Variants in SUPT3H observed in about 807,000 individuals in gnomAD.
SUPT3H encodes the protein SPT3 homolog, SAGA and STAGA complex component, also known as transcription initiation protein SPT3 homolog.
A neutral mutation model predicts 44.3 loss-of-function variants in SUPT3H; 44 were observed. That is an observed-to-expected ratio of 0.99 (90% CI 0.78 to 1.28). The LOEUF (loss-of-function observed/expected upper bound fraction) is 1.28, where lower values mean the gene tolerates loss of function less well. SUPT3H is among the 50% of genes most tolerant of loss of function. SUPT3H has a pLI of 0.00. For synonymous variants in SUPT3H, 124 were observed against 125.6 expected (o/e 0.99, Z 0.09); for missense variants, 380 against 387.1 (o/e 0.98, Z 0.15).
At chr6:44,912,665 G>A (rs1767238350) in intron 10 of SUPT3H, among the ~76,000 whole-genome samples, 1 of 152,190 alleles carries the variant, frequency 6.6e-6, no homozygotes, top group South Asian at 2.1e-4. Context: ...TCCAGTTGTT[G>A]TTCCCTTTAC....
At chr6:44,909,903 C>T (rs1013038937) in intron 10 of SUPT3H, among the ~76,000 whole-genome samples, 1 of 152,176 alleles carries the variant, frequency 6.6e-6, no homozygotes, top group Admixed American at 6.5e-5. Flanking sequence ...ATAATACTGG[C>T]ATGAATACAG....
At chr6:45,316,814 G>A (rs1416528101) in intron 2 of SUPT3H, among the ~76,000 whole-genome samples, 1 of 152,166 alleles carries the variant, frequency 6.6e-6, no homozygotes, top group Non-Finnish European at 1.5e-5. Flanking sequence ...TGGATTGAAA[G>A]AATATTGTTA....
chr6:44,884,796 C>A (rs1778865139), intron 10 of SUPT3H, among the ~76,000 whole-genome samples: 1 of 152,130 alleles, frequency 6.6e-6, no homozygotes, highest in Non-Finnish European at 1.5e-5. Flanking sequence ...TGTGGGCGAG[C>A]CGAAGCAGGG....
intron 2 of SUPT3H, among the ~76,000 whole-genome samples, chr6:45,320,087 G>A (rs939820667): frequency 1.2e-4 from 18 of 151,922 alleles, no homozygotes; most frequent in Non-Finnish European, 1.5e-5. Flanking sequence ...CTCAATTCAA[G>A]AGATGGTTAT....
At chr6:45,117,377 C>T (rs931824727) in intron 2 of SUPT3H, among the ~76,000 whole-genome samples, 1 of 152,078 alleles carries the variant, frequency 6.6e-6, no homozygotes, top group African/African-American at 2.4e-5. Context: ...TACTCTAAAA[C>T]TGTGACATTA....
At chr6:44,852,804 T>C (rs936559890) in intron 10 of SUPT3H, among the ~76,000 whole-genome samples, 3 of 152,212 alleles carry the variant, frequency 2.0e-5, no homozygotes, top group African/African-American at 7.2e-5. Context: ...TAAAAAATGC[T>C]ACTTCTTCCA....
chr6:45,100,549 A>AAAAAAAAAAAG (rs1469259613), intron 3 of SUPT3H, among the ~76,000 whole-genome samples: 5 of 147,700 alleles, frequency 3.4e-5, no homozygotes, highest in African/African-American at 1.2e-4. Flanking sequence ...CTTAAAAAAA[A>AAAAAAAAAAAG]AAAAAAAAAA....
At chr6:45,094,173 C>T (rs544030520) in intron 3 of SUPT3H, among the ~76,000 whole-genome samples, 1 of 152,060 alleles carries the variant, frequency 6.6e-6, no homozygotes, top group African/African-American at 2.4e-5. Context: ...GAAATTTTAG[C>T]CCGAACTAAA....
chr6:45,231,464 T>C (rs1214671090), intron 2 of SUPT3H, among the ~76,000 whole-genome samples: 1 of 152,236 alleles, frequency 6.6e-6, no homozygotes, highest in African/African-American at 2.4e-5. Flanking sequence ...AAGCTGCTCT[T>C]AGTCTGATGG....
At chr6:44,921,473 G>C (rs2153456956) in intron 10 of SUPT3H, among the ~76,000 whole-genome samples, 1 of 152,260 alleles carries the variant, frequency 6.6e-6, no homozygotes, top group East Asian at 1.9e-4. Flanking sequence ...CAAAAATTAA[G>C]GCAAAGTTAG....
chr6:44,866,015 C>A (rs1157362908), intron 10 of SUPT3H, among the ~76,000 whole-genome samples: 2 of 151,656 alleles, frequency 1.3e-5, no homozygotes, highest in South Asian at 2.1e-4. Flanking sequence ...TCAGTACTTT[C>A]TCCTCAGAAA....
At chr6:45,250,534 A>C (rs1251105572) in intron 2 of SUPT3H, among the ~76,000 whole-genome samples, 2 of 152,102 alleles carry the variant, frequency 1.3e-5, no homozygotes, top group African/African-American at 2.4e-5. Flanking sequence ...GATAGAAAAG[A>C]AAGCTGAAGG....
At chr6:45,359,377 C>A (rs1344601028) in intron 2 of SUPT3H, among the ~76,000 whole-genome samples, 1 of 152,052 alleles carries the variant, frequency 6.6e-6, no homozygotes, top group African/African-American at 2.4e-5. Flanking sequence ...ACTTACATTA[C>A]AATTTGAAAA....
intron 2 of SUPT3H, among the ~76,000 whole-genome samples, chr6:45,134,128 C>T (rs926019836): frequency 6.6e-6 from 1 of 152,094 alleles, no homozygotes; most frequent in Non-Finnish European, 1.5e-5. Context: ...AGCCCAAGGT[C>T]AAGTGATTGG....
In SUPT3H at chr6:45,288,470, AAT is replaced by A. The variant is rs1169934563; in HGVS notation, c.101+76729_101+76730del. Among the ~76,000 whole-genome samples the A allele has an allele frequency of 4.0e-5, 6 of 150,792 alleles. No individual in the cohort carries two copies. In the East Asian group the frequency reaches 9.8e-4, roughly 25 times the overall value. ...ATGGCAAAATTATTATAAATTCAATAATGTTTTAAAATGTATTTGTACTTTAT... is the reference window on the plus strand; with the variant it reads ...ATGGCAAAATTATTATAAATTCAATAGTTTTAAAATGTATTTGTACTTTAT... On this transcript the variant is annotated intron_variant, in intron 2 of 10. Coordinates refer to ENST00000371459, the MANE Select transcript of SUPT3H (RefSeq NM_003599.4).
chr6:45,202,205 G>A (rs1480616919), intron 2 of SUPT3H, among the ~76,000 whole-genome samples: 1 of 151,474 alleles, frequency 6.6e-6, no homozygotes, highest in Non-Finnish European at 1.5e-5. Flanking sequence ...CCCAATAATT[G>A]GAAATTAAAA....
chr6:45,056,158 C>T (rs544538332), intron 3 of SUPT3H, among the ~76,000 whole-genome samples: 1 of 152,022 alleles, frequency 6.6e-6, no homozygotes, highest in Admixed American at 6.5e-5. Flanking sequence ...CTAGAATGGC[C>T]ATAATCAAAA....
chr6:45,164,027 A>G (rs944019704), intron 2 of SUPT3H, among the ~76,000 whole-genome samples: 4 of 152,192 alleles, frequency 2.6e-5, no homozygotes, highest in Admixed American at 2.6e-4. Flanking sequence ...ACAAACATGT[A>G]GAGCAGTGAA....
intron 10 of SUPT3H, among the ~76,000 whole-genome samples, chr6:44,928,943 GC>G (rs1770084388): frequency 6.8e-6 from 1 of 146,500 alleles, no homozygotes; most frequent in Admixed American, 6.8e-5. Flanking sequence ...AAACCAATAT[GC>G]CAAAGAGAGT....
Sources: gnomAD v4.1 joint callset for allele counts (sites outside exome capture counted in the v4.1 genomes callset) on GRCh38, gnomAD v4.1.1 for gene constraint, MANE v1.5 for transcripts, NCBI Gene and HGNC (gene_info 2026-07-23, HGNC 2026-07-21) for gene names.